The following MCM3 variants were observed in gnomAD, a reference collection of about 807,000 sequenced individuals.
MCM3 encodes the protein DNA replication licensing factor MCM3.
Under a neutral mutation model 91.3 loss-of-function variants are expected in MCM3, and 59 were observed. The ratio of observed to expected loss-of-function variants is 0.65; its 90% CI spans 0.52 to 0.80. The LOEUF is 0.80. Among genes scored for constraint, MCM3 ranks in the 30% least tolerant of loss-of-function variants. The pLI, the probability that MCM3 is intolerant of heterozygous loss-of-function variation, is 0.00. For missense variants in MCM3, 919 were observed against 1,035.4 expected, an observed-to-expected ratio of 0.89 and a Z score of 1.54; for synonymous variants, 383 against 379.6, an observed-to-expected ratio of 1.01 and a Z score of -0.10.
intron 12 of MCM3, among the ~76,000 whole-genome samples, chr6:52,271,986 G>A (rs1199342504): frequency 1.3e-5 from 2 of 152,172 alleles, no homozygotes; most frequent in East Asian, 1.9e-4. Context: ...TCTTTGAAAA[G>A]AGTGTTTATT....
At chr6:52,267,774 C>A (rs1191588598) in intron 14 of MCM3, 91 bp downstream of exon 14, 4 of 712,554 alleles carry the variant, frequency 5.6e-6, no homozygotes, top group Non-Finnish European at 1.0e-5. Context: ...GACCCACCCG[C>A]CTCGGCCTCC....
intron 13 of MCM3, among the ~76,000 whole-genome samples, chr6:52,268,449 A>G (rs1764819539): frequency 6.6e-6 from 1 of 152,182 alleles, no homozygotes; most frequent in African/African-American, 2.4e-5. Context: ...CAGACTCACA[A>G]CTCAACCCTT....
intron 4 of MCM3, among the ~76,000 whole-genome samples, chr6:52,280,780 TAA>T (rs1344951168): frequency 1.3e-5 from 2 of 152,194 alleles, no homozygotes; most frequent in African/African-American, 2.4e-5. Context: ...TGGCATGAAT[TAA>T]AGAGACACAG....
chr6:52,272,415 G>C lies in MCM3; in HGVS notation c.1713C>G (p.Tyr571Ter), dbSNP rs574315963. ...GCTTGATGATTTTGGCCACATGGAT[G>C]TACTTCTTCATGAATGCTGCACTCA... ...KMVSAAFMKK[Y>*]IHVAKIIKPV... Residue 571 changes from tyrosine (Y) to a stop codon, truncating the protein, a stop_gained, in exon 12 of 17, where the codon TAC becomes TAG. Coordinates refer to ENST00000596288, the MANE Select transcript of MCM3 (RefSeq NM_002388.6). LOFTEE classifies it high-confidence loss of function. 2 of 1,614,026 alleles carry C rather than the reference G, an allele frequency of 1.2e-6. No homozygotes were observed. The highest frequency in any genetic ancestry group is 1.7e-6 in the Non-Finnish European group (2 of 1,180,034).
At chr6:52,273,507 G>T (rs1486284696) in intron 10 of MCM3, 151 bp from the exon 11 acceptor site, 1 of 861,444 alleles carries the variant, frequency 1.2e-6, no homozygotes, top group African/African-American at 1.7e-5. Flanking sequence ...AATAAAGATA[G>T]TGGAACTGCC....
rs755035751 is a variant in MCM3 at position 52,269,106 on chromosome 6, G to T, written c.1948C>A (p.Gln650Lys). 1.2e-6 allele frequency: 2 copies of T among 1,613,704 alleles called. No individual in the cohort carries two copies. Among genetic ancestry groups the T allele is most frequent in the African/African-American group, 1.3e-5 (1 of 75,066 alleles). ...CTCACCTTCTTAAAGTAAGCATACT[G>T]GACCAACTCCACAGCTTCCTCTGCA... ...QDAEEAVELV[Q>K]YAYFKKVLEK... The change falls in exon 13 of 17, where the codon CAG becomes AAG. Residue 650 changes from glutamine (Q) to lysine (K), a missense_variant. Coordinates refer to ENST00000596288, the MANE Select transcript of MCM3 (RefSeq NM_002388.6).
chr6:52,284,534 C>G (rs1766470148), intron 1 of MCM3, 63 bp downstream of exon 1: 1 of 1,494,930 alleles, frequency 6.7e-7, no homozygotes, highest in South Asian at 1.2e-5. Context: ...CTCTGGCTTC[C>G]CGGCCGGGCC....
At chr6:52,274,514 A>G (rs190442113) in intron 9 of MCM3, among the ~76,000 whole-genome samples, 1 of 152,018 alleles carries the variant, frequency 6.6e-6, no homozygotes, top group Admixed American at 6.6e-5. Flanking sequence ...CCCTGTCCCT[A>G]TAAAAACTTA....
At chr6:52,276,058 C>T in intron 9 of MCM3, 1 of 566,084 alleles carries the variant, frequency 1.8e-6, no homozygotes, top group Non-Finnish European at 3.1e-6. Context: ...TAAAAAGTTA[C>T]TTTTAAATAA....
chr6:52,281,330 T>C (rs1294221825), intron 4 of MCM3, among the ~76,000 whole-genome samples: 1 of 152,230 alleles, frequency 6.6e-6, no homozygotes, highest in African/African-American at 2.4e-5. Context: ...TGACTTCTTC[T>C]TTTGACTATT....
At chr6:52,275,263 T>C (rs1301147427) in intron 9 of MCM3, among the ~76,000 whole-genome samples, 2 of 152,236 alleles carry the variant, frequency 1.3e-5, no homozygotes, top group South Asian at 2.1e-4. Context: ...CACTGTGGGA[T>C]TGATTATAAA....
intron 9 of MCM3, 62 bp from the exon 10 acceptor site, chr6:52,273,978 C>A: frequency 7.3e-7 from 1 of 1,370,204 alleles, no homozygotes; most frequent in Non-Finnish European, 1.0e-6. Flanking sequence ...AACAACAAGG[C>A]TGCTGCAGTT....
intron 13 of MCM3, 125 bp downstream of exon 13, chr6:52,268,961 T>C: frequency 9.7e-7 from 1 of 1,034,310 alleles, no homozygotes; most frequent in Non-Finnish European, 1.4e-6. Flanking sequence ...GACTGATGAC[T>C]GGAAGACAAA....
At chr6:52,279,268 T>C (rs1017939732) in intron 5 of MCM3, 93 bp downstream of exon 5, 11 of 1,077,160 alleles carry the variant, frequency 1.0e-5, no homozygotes, top group Non-Finnish European at 1.5e-5. Flanking sequence ...CTATCAGATA[T>C]AACTCTCTGG....
At chr6:52,279,245 T>C in intron 5 of MCM3, 116 bp downstream of exon 5, 6 of 838,646 alleles carry the variant, frequency 7.2e-6, no homozygotes, top group South Asian at 4.9e-5. Context: ...CCCAGGCAGG[T>C]AGAGTGCTCC....
chr6:52,283,245 G>A (rs777485882), intron 2 of MCM3, 49 bp downstream of exon 2: 47 of 1,487,120 alleles, frequency 3.2e-5, no homozygotes, highest in Non-Finnish European at 4.2e-5. Flanking sequence ...TGGCCAAGAG[G>A]GAAGGGAGCC....
chr6:52,283,430 A>ACATATTTATATATGGATAT, intron 1 of MCM3, 24 bp from the exon 2 acceptor site: 1 of 1,460,468 alleles, frequency 6.8e-7, no homozygotes. Context: ...ACCACATATC[A>ACATATTTATATATGGATAT]CCATAGCCAC....
At chr6:52,283,482 G>C (rs1294349959) in intron 1 of MCM3, 76 bp from the exon 2 acceptor site, 1 of 988,934 alleles carries the variant, frequency 1.0e-6, no homozygotes, top group East Asian at 2.4e-5. Flanking sequence ...AGTTCTCATA[G>C]CCAGATAGCT....
At position 52,276,443 on chromosome 6, in the gene MCM3, A is replaced by C; in HGVS notation, c.1199T>G (p.Leu400Arg). Residue 400 changes from leucine to arginine, a missense_variant, in exon 9 of 17, where the codon CTG becomes CGG. Physicochemically the swap from Leu to Arg is moderately radical, Grantham distance 102. This residue lies in a region of MCM3 where 233 missense variants were observed against 321.2 expected (regional missense o/e 0.73). Transcript: ENST00000596288. ...AATGCAAACCACGCCTCGGTCAGCC[A>C]GGACCATGGCCCCTGCTTCCAGACG... is the stretch of plus-strand genomic sequence containing the variant. ...ERRLEAGAMV[L>R]ADRGVVCIDE... is the part of the protein sequence containing the mutation. 1.2e-6 allele frequency: 2 copies of C among 1,614,244 alleles called. No homozygotes were observed. The highest frequency in any genetic ancestry group is 1.7e-6 in the Non-Finnish European group (2 of 1,180,044).
Sources: gnomAD v4.1 joint callset for allele counts (sites outside exome capture counted in the v4.1 genomes callset) on GRCh38, gnomAD v4.1.1 for gene constraint, gnomAD v4.1.1 regional missense constraint, MANE v1.5 for transcripts, NCBI Gene and HGNC (gene_info 2026-07-23, HGNC 2026-07-21) for gene names.